Variants in SMAD3 observed in about 807,000 individuals in gnomAD.
SMAD3 encodes MAD homolog 3.
Under a neutral mutation model 51.8 loss-of-function variants are expected in SMAD3, and 12 were observed. The ratio of observed to expected loss-of-function variants is 0.23; its 90% confidence interval spans 0.15 to 0.38. The LOEUF (loss-of-function observed/expected upper bound fraction) is 0.38, where lower values mean the gene tolerates loss of function less well. Among genes scored for constraint, SMAD3 ranks in the 10% least tolerant of loss-of-function variants. SMAD3 has a pLI of 1.00. For synonymous variants in SMAD3, 238 were observed against 227.7 expected (o/e 1.05, Z -0.41); for missense variants, 294 against 565.6 (o/e 0.52, Z 4.87).
rs1399618709 is a variant in SMAD3 at position 67,191,833 on chromosome 15, C to G, written c.*1297C>G. Reference sequence around the variant, plus strand: ...CCCCCTGGGATATAAGATGATCTAGCTCCCGGTAGAGGATCACCGGTGACA... The same window carrying G: ...CCCCCTGGGATATAAGATGATCTAGGTCCCGGTAGAGGATCACCGGTGACA... On this transcript the variant is annotated 3_prime_UTR_variant, in exon 9 of 9. Transcript: ENST00000327367. 2.2e-5 allele frequency: 5 copies of G among 230,130 alleles called. No individual in the cohort carries two copies. Among genetic ancestry groups the G allele is most frequent in the African/African-American group, 1.1e-4 (5 of 45,180 alleles). 14.3% of individuals were successfully genotyped at this position (230,130 alleles called of 1,614,324 possible).
intron 1 of SMAD3, among the ~76,000 whole-genome samples, chr15:67,144,434 G>T (rs1006750202): frequency 6.6e-6 from 1 of 152,092 alleles, no homozygotes; most frequent in African/African-American, 2.4e-5. Flanking sequence ...TCCTGAAGTA[G>T]TATTTTGTTT....
At chr15:67,151,325 T>C (rs1962137404) in intron 1 of SMAD3, among the ~76,000 whole-genome samples, 2 of 151,316 alleles carry the variant, frequency 1.3e-5, no homozygotes. Context: ...TTTTCCCTTT[T>C]ATTTATTTAT....
chr15:67,090,583 C>T (rs1374727389), intron 1 of SMAD3, among the ~76,000 whole-genome samples: 1 of 152,102 alleles, frequency 6.6e-6, no homozygotes, highest in East Asian at 1.9e-4. Context: ...AAACACTTCT[C>T]AATGCTTGCT....
At chr15:67,076,980 T>A (rs546717002) in intron 1 of SMAD3, among the ~76,000 whole-genome samples, 1 of 152,234 alleles carries the variant, frequency 6.6e-6, no homozygotes, top group African/African-American at 2.4e-5. Context: ...CTCTGAAAGT[T>A]ATGGGTGGTG....
chr15:67,066,160 G>A lies in SMAD3; in HGVS notation c.6G>A (p.Ser2=), dbSNP rs775955959. The change falls in exon 1 of 9, where the codon TCG becomes TCA. Residue 2 remains serine (S), a synonymous_variant. Coordinates refer to ENST00000327367, the MANE Select transcript of SMAD3 (RefSeq NM_005902.4). M[S]SILPFTPPIV... ...CCCGCGCGCCCTCCCCAGCCATGTC[G>A]TCCATCCTGCCTTTCACTCCCCCGA... 5.6e-6 allele frequency: 9 copies of A among 1,596,384 alleles called. No homozygotes were observed. Among genetic ancestry groups the A allele is most frequent in the Non-Finnish European group, 6.8e-6 (8 of 1,172,538 alleles).
At position 67,194,307 on chromosome 15, in the gene SMAD3, G is replaced by A. The variant is rs1006464223; in HGVS notation, c.*3771G>A. 2 of 233,230 alleles carry A rather than the reference G, an allele frequency of 8.6e-6. No individual in the cohort carries two copies. Among genetic ancestry groups the A allele is most frequent in the African/African-American group, 2.2e-5 (1 of 45,322 alleles). The allele number at this position is 233,230 out of a possible 1,614,324, so 14.4% of individuals were successfully genotyped here. On this transcript the variant is annotated 3_prime_UTR_variant, in exon 9 of 9. Transcript: ENST00000327367. ...AAGGAGCATCAGCCGCTTCTCAAGT[G>A]GGTAGGGAAAGCAGAAAAACGTACG...
chr15:67,186,296 A>G (rs116760379), intron 7 of SMAD3, among the ~76,000 whole-genome samples: 318 of 143,076 alleles, frequency 2.2e-3, no homozygotes, highest in African/African-American at 7.3e-3. Flanking sequence ...GAGAATGAAG[A>G]AGAGGAAGCT....
At chr15:67,134,524 C>G (rs900919068) in intron 1 of SMAD3, among the ~76,000 whole-genome samples, 1 of 152,062 alleles carries the variant, frequency 6.6e-6, no homozygotes, top group Admixed American at 6.5e-5. Context: ...GTCCTTGCTT[C>G]AGTGTTGTCT....
intron 1 of SMAD3, among the ~76,000 whole-genome samples, chr15:67,077,195 T>A (rs910151429): frequency 1.3e-5 from 2 of 151,590 alleles, no homozygotes; most frequent in African/African-American, 4.8e-5. Flanking sequence ...TTCCTCTGTA[T>A]TTTTGCTCTT....
chr15:67,123,513 AAAG>A (rs1172941306), intron 1 of SMAD3, among the ~76,000 whole-genome samples: 4 of 152,206 alleles, frequency 2.6e-5, no homozygotes, highest in African/African-American at 7.2e-5. Context: ...AAAAAGGAAA[AAAG>A]AATTCTAACA....
intron 1 of SMAD3, among the ~76,000 whole-genome samples, chr15:67,135,474 T>G (rs1329673992): frequency 1.3e-5 from 2 of 152,210 alleles, no homozygotes; most frequent in African/African-American, 4.8e-5. Flanking sequence ...CAAAACTTCT[T>G]GCAGGGTGCC....
intron 1 of SMAD3, among the ~76,000 whole-genome samples, chr15:67,095,372 G>A (rs1040831627): frequency 1.3e-5 from 2 of 152,106 alleles, no homozygotes; most frequent in Non-Finnish European, 2.9e-5. Context: ...TTGGCTTTGG[G>A]TGAACTGGCC....
intron 1 of SMAD3, chr15:67,138,339 C>T (rs1468726790): frequency 2.0e-6 from 1 of 491,692 alleles, no homozygotes; most frequent in Non-Finnish European, 3.7e-6. Flanking sequence ...GCTCCCCTCC[C>T]CTGAACCCCC....
intron 1 of SMAD3, among the ~76,000 whole-genome samples, chr15:67,130,969 G>A (rs1001246784): frequency 1.3e-5 from 2 of 152,180 alleles, no homozygotes; most frequent in Admixed American, 6.5e-5. Context: ...TACCTGCCAC[G>A]CTGGGAATGC....
chr15:67,116,009 T>C (rs1356903654), intron 1 of SMAD3, among the ~76,000 whole-genome samples: 1 of 151,850 alleles, frequency 6.6e-6, no homozygotes, highest in Non-Finnish European at 1.5e-5. Context: ...TGGAAGTGGG[T>C]ACAGAAGTCC....
intron 1 of SMAD3, among the ~76,000 whole-genome samples, chr15:67,073,839 T>TA (rs1960109405): frequency 6.6e-6 from 1 of 152,206 alleles, no homozygotes; most frequent in South Asian, 2.1e-4. Context: ...CACACCCGGC[T>TA]AATTTTGTAT....
At chr15:67,111,939 C>T (rs1961023023) in intron 1 of SMAD3, among the ~76,000 whole-genome samples, 1 of 151,678 alleles carries the variant, frequency 6.6e-6, no homozygotes, top group Non-Finnish European at 1.5e-5. Flanking sequence ...GGGTGTGTGC[C>T]ACCACACCTG....
At chr15:67,119,088 A>G (rs1000481222) in intron 1 of SMAD3, among the ~76,000 whole-genome samples, 1 of 150,612 alleles carries the variant, frequency 6.6e-6, no homozygotes, top group Non-Finnish European at 1.5e-5. Flanking sequence ...TGGGGAGGAT[A>G]TGAGCGTAGA....
At chr15:67,100,537 A>C (rs1383298809) in intron 1 of SMAD3, among the ~76,000 whole-genome samples, 1 of 152,124 alleles carries the variant, frequency 6.6e-6, no homozygotes, top group Non-Finnish European at 1.5e-5. Context: ...TTAATATATT[A>C]ATGTATTAAT....
Sources: gnomAD v4.1 joint callset for allele counts (sites outside exome capture counted in the v4.1 genomes callset) on GRCh38, gnomAD v4.1.1 for gene constraint, MANE v1.5 for transcripts, NCBI Gene and HGNC (gene_info 2026-07-23, HGNC 2026-07-21) for gene names.